Variants in SLC35E4 observed in about 807,000 individuals in gnomAD.
SLC35E4 encodes the protein solute carrier family 35 member E4.
In SLC35E4, 15 loss-of-function variants were observed where a neutral mutation model predicts 19.3. That is an observed-to-expected ratio of 0.78 (90% CI 0.52 to 1.20). The LOEUF (loss-of-function observed/expected upper bound fraction) is 1.20. Ranked by LOEUF, SLC35E4 falls within the 50% of genes most tolerant of loss-of-function variation. The pLI is 0.00. For synonymous variants in SLC35E4, 219 were observed against 219.9 expected (o/e 1.00, Z 0.04); for missense variants, 406 against 472.3 (o/e 0.86, Z 1.30).
At chr22:30,654,305 T>G (rs16988936) in intron 2 of SLC35E4, 20,210 of 459,350 alleles carry the variant, frequency 0.044, 1,297 homozygotes, top group East Asian at 0.24. Context: ...TGTTTCTTAT[T>G]CTGGTAGTGG....
chr22:30,659,123 C>CAA (rs35939188), intron 2 of SLC35E4, among the ~76,000 whole-genome samples: 35 of 104,702 alleles, frequency 3.3e-4, no homozygotes, highest in African/African-American at 6.1e-4. Context: ...GACTCCATCT[C>CAA]AAAAAAAAAA....
At chr22:30,655,887 G>A (rs2088329738) in intron 2 of SLC35E4, among the ~76,000 whole-genome samples, 1 of 151,934 alleles carries the variant, frequency 6.6e-6, no homozygotes, top group African/African-American at 2.4e-5. Flanking sequence ...TCCTTCTTAG[G>A]TGATATTGGG....
chr22:30,636,450 G>T lies in SLC35E4; in HGVS notation c.-1G>T. On this transcript the variant is annotated 5_prime_UTR_variant, in exon 1 of 2. Coordinates refer to ENST00000343605, the MANE Select transcript of SLC35E4 (RefSeq NM_001001479.4). ...CTCCTGCCCTAGCCTCACTGGTGCG[G>T]ATGTGCCGCTGCCCGCCGGAGCACC... The T allele has an allele frequency of 6.7e-7, 1 of 1,483,576 alleles. No homozygotes were observed. 91.9% of individuals were successfully genotyped at this position (1,483,576 alleles called of 1,614,324 possible).
intron 2 of SLC35E4, among the ~76,000 whole-genome samples, chr22:30,659,073 G>A (rs1250801200): frequency 2.0e-5 from 3 of 149,530 alleles, no homozygotes; most frequent in African/African-American, 7.5e-5. Context: ...GCAGTGAGCT[G>A]GGATTGCGCC....
At chr22:30,638,594 C>T (rs1033166088) in intron 1 of SLC35E4, among the ~76,000 whole-genome samples, 4 of 149,608 alleles carry the variant, frequency 2.7e-5, no homozygotes, top group Admixed American at 2.7e-4. Context: ...AGTGGATCAC[C>T]TGAGGTCAGG....
chr22:30,662,834 GAC>G (rs2145610846), exon 3 of SLC35E4: 1 of 152,106 alleles, frequency 6.6e-6, no homozygotes, highest in East Asian at 1.9e-4. Context: ...TTCAAAAAAA[GAC>G]AAAAAAAAAT....
At chr22:30,668,946 CT>C (rs2088768077) in exon 3 of SLC35E4, 1 of 152,170 alleles carries the variant, frequency 6.6e-6, no homozygotes, top group Non-Finnish European at 1.5e-5. Flanking sequence ...TTTTGCACCA[CT>C]GAGTGGGTGA....
At chr22:30,663,422 G>T, downstream of SLC35E4, 1 of 1,595,428 alleles carries the variant, frequency 6.3e-7, no homozygotes, top group Non-Finnish European at 8.6e-7. Context: ...CCAATGCAGG[G>T]GCTCGTGGGA....
chr22:30,665,839 G>A (rs1349252261), downstream of SLC35E4, among the ~76,000 whole-genome samples: 1 of 151,322 alleles, frequency 6.6e-6, no homozygotes, highest in Non-Finnish European at 1.5e-5. Flanking sequence ...TTTGTTGAAT[G>A]AAGAAATGAC....
In SLC35E4 at chr22:30,647,146, C is replaced by A; in HGVS notation, c.*115C>A. On this transcript the variant is annotated 3_prime_UTR_variant, in exon 2 of 2. Coordinates refer to ENST00000343605, the MANE Select transcript of SLC35E4 (RefSeq NM_001001479.4). Reference sequence around the variant, plus strand: ...GGCATGGTGGCTCACGCCTATAATCCCAGCACTTCCAGAGTCCGAGGTGGG... The same window carrying A: ...GGCATGGTGGCTCACGCCTATAATCACAGCACTTCCAGAGTCCGAGGTGGG... 1 of 1,268,870 alleles carries A rather than the reference C, an allele frequency of 7.9e-7. No individual in the cohort carries two copies. Among genetic ancestry groups the A allele is most frequent in the East Asian group, 2.5e-5 (1 of 39,352 alleles). 78.6% of individuals were successfully genotyped at this position (1,268,870 alleles called of 1,614,324 possible).
chr22:30,637,022 T>C lies in SLC35E4; in HGVS notation c.572T>C (p.Phe191Ser), dbSNP rs987242690. 3.1e-6 allele frequency: 5 copies of C among 1,593,914 alleles called. No individual in the cohort carries two copies. The highest frequency in any genetic ancestry group is 4.3e-6 in the Non-Finnish European group (5 of 1,166,708). ...EFRTPPTGCG[F>S]LLAATCLRGL... is the part of the protein sequence containing the mutation. ...CGGACACCCCCTACCGGCTGTGGCT[T>C]CCTGCTCGCAGCCACCTGCCTCCGC... The change falls in exon 1 of 2, where the codon TTC becomes TCC. Residue 191 changes from phenylalanine (F) to serine (S), a missense_variant. Phe to Ser is a radical substitution (Grantham distance 155). Transcript: ENST00000343605.
downstream of SLC35E4, among the ~76,000 whole-genome samples, chr22:30,651,393 GTGTGTGTATATATATA>G (rs1156591253): frequency 4.1e-5 from 2 of 49,348 alleles, no homozygotes; most frequent in Middle Eastern, 8.2e-3. Context: ...GTGTGTGTGT[GTGTGTGTATATATATA>G]TATATATATA....
chr22:30,646,892 G>T lies in SLC35E4; in HGVS notation c.914G>T (p.Ser305Ile). The T allele has an allele frequency of 1.2e-6, 2 of 1,614,230 alleles. No homozygotes were observed. Among genetic ancestry groups the T allele is most frequent in the Non-Finnish European group, 1.7e-6 (2 of 1,180,050 alleles). The change falls in exon 2 of 2, where the codon AGC becomes ATC. Residue 305 changes from serine to isoleucine, a missense_variant. Ser to Ile is a moderately radical substitution (Grantham distance 142). Transcript: ENST00000343605. ...ATCCTGTCCCGGCTGTTGTTTGGCA[G>T]CCGCCTCAGTGCCCTCAGCTACGTG... ...NLILSRLLFG[S>I]RLSALSYVGI...
chr22:30,654,658 G>A (rs1602089617), intron 2 of SLC35E4: 1 of 443,764 alleles, frequency 2.3e-6, no homozygotes, highest in East Asian at 6.2e-5. Flanking sequence ...GTGGAGGAAG[G>A]CCAGGTACTT....
downstream of SLC35E4, chr22:30,663,835 C>A (rs763220176): frequency 2.8e-5 from 45 of 1,614,114 alleles, no homozygotes; most frequent in South Asian, 4.8e-4. Context: ...AAGGTGTTCA[C>A]TACCTCCACT....
chr22:30,662,553 G>T (rs1324147808), exon 3 of SLC35E4: 1 of 152,144 alleles, frequency 6.6e-6, no homozygotes, highest in Non-Finnish European at 1.5e-5. Context: ...TTTATACAGT[G>T]GTATCGGGGT....
At chr22:30,661,288 A>G (rs938157082) in intron 2 of SLC35E4, among the ~76,000 whole-genome samples, 20 of 152,214 alleles carry the variant, frequency 1.3e-4, no homozygotes, top group Non-Finnish European at 1.0e-4. Flanking sequence ...ACTTTTTGAG[A>G]GCTGAAATGA....
chr22:30,649,493 T>C (rs779640451), downstream of SLC35E4, among the ~76,000 whole-genome samples: 16 of 128,482 alleles, frequency 1.2e-4, no homozygotes, highest in Non-Finnish European at 2.5e-4. Flanking sequence ...CACGGCGGGG[T>C]GGGAGTGGGT....
chr22:30,664,424 CT>C (rs2088579993), downstream of SLC35E4, among the ~76,000 whole-genome samples: 1 of 152,232 alleles, frequency 6.6e-6, no homozygotes, highest in East Asian at 1.9e-4. Flanking sequence ...ACTTGTGTCC[CT>C]CAGCTGTGCC....
Sources: allele counts gnomAD v4.1 joint callset (sites outside exome capture counted in the v4.1 genomes callset), GRCh38; gene constraint gnomAD v4.1.1; transcripts MANE v1.5; gene names NCBI Gene and HGNC (gene_info 2026-07-23, HGNC 2026-07-21).